PDE1C: variants seen among roughly 807,000 people sequenced by gnomAD.
The protein encoded by PDE1C is dual specificity calcium/calmodulin-dependent 3',5'-cyclic nucleotide phosphodiesterase 1C.
Under a neutral mutation model 93.1 loss-of-function variants are expected in PDE1C, and 62 were observed. The ratio of observed to expected loss-of-function variants is 0.67; its 90% CI spans 0.54 to 0.82. The LOEUF is 0.82. PDE1C is among the 40% of genes least tolerant of loss of function. The pLI, the probability that PDE1C is intolerant of heterozygous loss-of-function variation, is 0.00. For synonymous variants in PDE1C, 325 were observed against 310.1 expected, an observed-to-expected ratio of 1.05 and a Z score of -0.50; for missense variants, 742 against 884.6, an observed-to-expected ratio of 0.84 and a Z score of 2.04.
At chr7:31,745,853 CT>C in the PDE1C span, among the ~76,000 whole-genome samples, 485 of 152,220 alleles carry the variant, frequency 3.2e-3, 5 homozygotes, top group African/African-American at 0.011. Flanking sequence ...ATATTTATGT[CT>C]TTTTGGCTTA....
intron 2 of PDE1C, among the ~76,000 whole-genome samples, chr7:32,035,312 C>T (rs1056825439): frequency 2.0e-5 from 3 of 152,106 alleles, no homozygotes; most frequent in South Asian, 4.1e-4. Context: ...AGAAACATTC[C>T]GAGCCTGTGA....
At chr7:32,417,547 A>G (rs1251763769) in intron 1 of PDE1C, among the ~76,000 whole-genome samples, 1 of 152,026 alleles carries the variant, frequency 6.6e-6, no homozygotes, top group Non-Finnish European at 1.5e-5. Flanking sequence ...CCCATTAATC[A>G]TGGGCAGAGC....
At chr7:32,288,379 A>C (rs1812134842) in intron 1 of PDE1C, among the ~76,000 whole-genome samples, 1 of 152,164 alleles carries the variant, frequency 6.6e-6, no homozygotes, top group African/African-American at 2.4e-5. Flanking sequence ...TAATTACCCC[A>C]AAAAATAGCC....
At chr7:31,982,248 C>A (rs943556530) in intron 2 of PDE1C, among the ~76,000 whole-genome samples, 3 of 152,200 alleles carry the variant, frequency 2.0e-5, no homozygotes, top group African/African-American at 7.2e-5. Context: ...TGATGTTACA[C>A]CAAGGGGCCT....
intron 16 of PDE1C, chr7:31,784,422 G>C (rs1783702204): frequency 6.6e-6 from 1 of 152,092 alleles, no homozygotes; most frequent in African/African-American, 2.4e-5. Flanking sequence ...CTTTTCCCAA[G>C]CTATTTCTGC....
rs138642721 is a variant in PDE1C at position 31,770,542 on chromosome 7, C to T, written c.1960+5122G>A. On this transcript the variant is annotated intron_variant, in intron 17 of 17. Transcript: ENST00000396191. ...TTTTTTCTTTTCTGAGACGGAGTCTCGCTCTGTTGCCCAGGCTGGGGTGCA... is the reference window on the plus strand; with the variant it reads ...TTTTTTCTTTTCTGAGACGGAGTCTTGCTCTGTTGCCCAGGCTGGGGTGCA... Among the ~76,000 whole-genome samples the T allele has an allele frequency of 9.7e-4, 147 of 152,190 alleles. 1 individual carries two copies. Among genetic ancestry groups the T allele is most frequent in the African/African-American group, 3.3e-3 (137 of 41,514 alleles).
chr7:32,374,110 A>G (rs377715344), intron 1 of PDE1C, among the ~76,000 whole-genome samples: 25 of 1,074 alleles, frequency 0.023, no homozygotes, highest in African/African-American at 0.045. Context: ...GAGGGAAGGA[A>G]GGAAGGAAGG....
intron 2 of PDE1C, among the ~76,000 whole-genome samples, chr7:31,920,117 C>T (rs1051794884): frequency 6.6e-6 from 1 of 152,162 alleles, no homozygotes; most frequent in East Asian, 1.9e-4. Flanking sequence ...GGCATCCATT[C>T]AGACAAGGGC....
chr7:32,310,857 G>T (rs2128904505), intron 1 of PDE1C, among the ~76,000 whole-genome samples: 1 of 152,070 alleles, frequency 6.6e-6, no homozygotes, highest in South Asian at 2.1e-4. Flanking sequence ...AAAAGCAAGA[G>T]CAAACATATT....
intron 1 of PDE1C, among the ~76,000 whole-genome samples, chr7:32,328,652 C>T (rs1201764039): frequency 6.6e-6 from 1 of 152,114 alleles, no homozygotes; most frequent in African/African-American, 2.4e-5. Flanking sequence ...CATCCCCACT[C>T]CACCCCTTGC....
intron 2 of PDE1C, among the ~76,000 whole-genome samples, chr7:31,882,480 T>C (rs1797371699): frequency 1.3e-5 from 2 of 152,180 alleles, no homozygotes; most frequent in African/African-American, 4.8e-5. Context: ...AACACATTCC[T>C]GGCTAAGTCT....
At chr7:31,764,960 T>A (rs1483853552) in intron 17 of PDE1C, among the ~76,000 whole-genome samples, 1 of 152,224 alleles carries the variant, frequency 6.6e-6, no homozygotes, top group Admixed American at 6.5e-5. Flanking sequence ...ATTTCTCTCT[T>A]TCTTCAGCGG....
At chr7:32,414,910 T>C (rs1785241681) in intron 1 of PDE1C, among the ~76,000 whole-genome samples, 3 of 151,976 alleles carry the variant, frequency 2.0e-5, no homozygotes, top group Admixed American at 6.5e-5. Context: ...TCTAAGTTAA[T>C]GTATTTTATG....
At chr7:31,817,203 G>A (rs1788384543) in intron 14 of PDE1C, among the ~76,000 whole-genome samples, 1 of 152,114 alleles carries the variant, frequency 6.6e-6, no homozygotes, top group Admixed American at 6.6e-5. Context: ...TAGACAAGGA[G>A]GTGGAGAAGG....
At chr7:32,187,110 A>G (rs1215212057) in intron 2 of PDE1C, among the ~76,000 whole-genome samples, 1 of 152,062 alleles carries the variant, frequency 6.6e-6, no homozygotes, top group African/African-American at 2.4e-5. Flanking sequence ...GGAAACTATT[A>G]TAATTTTCTT....
intron 1 of PDE1C, among the ~76,000 whole-genome samples, chr7:32,319,076 C>A (rs933570716): frequency 3.9e-5 from 6 of 152,218 alleles, no homozygotes; most frequent in Non-Finnish European, 8.8e-5. Flanking sequence ...CCATGTCCCT[C>A]GTTCTCCCGC....
rs138769550 is a variant in PDE1C at position 31,989,704 on chromosome 7, G to A, written c.128+61850C>T. 7.2e-5 allele frequency among the ~76,000 whole-genome samples: 11 copies of A among 152,228 alleles called. No individual in the cohort carries two copies. In the East Asian group the frequency reaches 1.7e-3, roughly 24 times the overall value. On this transcript the variant is annotated intron_variant, in intron 2 of 17. Transcript: ENST00000396191. ...CTCATTAGAGCTATAGTTAGCCTCC[G>A]ATTGGTTAACTGTCTTTTGCTCTCC...
At chr7:31,750,024 C>T (rs1794089143), downstream of PDE1C, among the ~76,000 whole-genome samples, 1 of 152,148 alleles carries the variant, frequency 6.6e-6, no homozygotes, top group African/African-American at 2.4e-5. Flanking sequence ...GCATGAGCCA[C>T]CCCGTCTGGC....
intron 1 of PDE1C, among the ~76,000 whole-genome samples, chr7:32,217,885 A>C (rs1806543661): frequency 6.6e-6 from 1 of 152,246 alleles, no homozygotes; most frequent in African/African-American, 2.4e-5. Flanking sequence ...CTGTCCTCTA[A>C]ACCAGACTTA....
Sources: gnomAD v4.1 joint callset for allele counts (sites outside exome capture counted in the v4.1 genomes callset) on GRCh38, gnomAD v4.1.1 for gene constraint, MANE v1.5 for transcripts, NCBI Gene and HGNC (gene_info 2026-07-23, HGNC 2026-07-21) for gene names.